The following RNF180 variants were observed in gnomAD, a reference collection of about 807,000 sequenced individuals.
The protein encoded by RNF180 is ring finger protein 180.
Under a neutral mutation model 59.2 loss-of-function variants are expected in RNF180, and 38 were observed. The ratio of observed to expected loss-of-function variants is 0.64; its 90% CI spans 0.50 to 0.84. RNF180 has a LOEUF of 0.84. Ranked by LOEUF, RNF180 falls within the 40% of genes least tolerant of loss-of-function variation. The pLI, the probability that RNF180 is intolerant of heterozygous loss-of-function variation, is 0.00. For missense variants in RNF180, 705 were observed against 700.9 expected (o/e 1.01, Z -0.07); for synonymous variants, 262 against 240.3 (o/e 1.09, Z -0.84).
intron 7 of RNF180, among the ~76,000 whole-genome samples, chr5:64,337,505 CTTTTT>C (rs933245539): frequency 2.6e-5 from 4 of 151,732 alleles, no homozygotes; most frequent in Admixed American, 1.3e-4. Flanking sequence ...TTTTTGCAAT[CTTTTT>C]TATTTTTTAT....
intron 5 of RNF180, among the ~76,000 whole-genome samples, chr5:64,288,982 A>G (rs574503498): frequency 6.6e-5 from 10 of 152,114 alleles, no homozygotes; most frequent in Non-Finnish European, 1.0e-4. Flanking sequence ...TTTCAAGGGG[A>G]ATGCTTCCAG....
chr5:64,268,712 CTGT>C (rs1033559409), intron 5 of RNF180, among the ~76,000 whole-genome samples: 8 of 152,112 alleles, frequency 5.3e-5, no homozygotes, highest in African/African-American at 1.9e-4. Flanking sequence ...AATTTAATCT[CTGT>C]TGTTGCTCAT....
At chr5:64,218,376 A>G (rs952039620) in intron 5 of RNF180, among the ~76,000 whole-genome samples, 13 of 152,224 alleles carry the variant, frequency 8.5e-5, no homozygotes, top group East Asian at 1.9e-4. Context: ...GTTGAAAACA[A>G]TGTCCTTCCT....
At position 64,299,125 on chromosome 5, in the gene RNF180, G is replaced by A. The variant is rs564302855; in HGVS notation, c.1228-26061G>A. On this transcript the variant is annotated intron_variant, in intron 5 of 7. Transcript: ENST00000389100. Reference sequence around the variant, plus strand: ...GTCCTTTGCGCCATGCGAGGACACAGCAAAAAGATAGTTTTCTGTCTATAA... The same window carrying A: ...GTCCTTTGCGCCATGCGAGGACACAACAAAAAGATAGTTTTCTGTCTATAA... Among the ~76,000 whole-genome samples the A allele has an allele frequency of 8.6e-5, 13 of 152,040 alleles. No individual in the cohort carries two copies. The East Asian group carries it at 2.5e-3, about 29-fold the overall frequency.
At chr5:64,346,351 C>CTTTTTTTTTTTTTTTTT (rs1745554217) in intron 7 of RNF180, among the ~76,000 whole-genome samples, 1 of 53,618 alleles carries the variant, frequency 1.9e-5, no homozygotes, top group Non-Finnish European at 4.1e-5. Context: ...TTCTTTTTTT[C>CTTTTTTTTTTTTTTTTT]TTTTCTTCTT....
chr5:64,371,932 C>T lies in RNF180; in HGVS notation c.*2118C>T, dbSNP rs1746670682. On this transcript the variant is annotated 3_prime_UTR_variant, in exon 8 of 8. Transcript: ENST00000389100. ...CACAGTAGCCATTCAAAATAAAATA[C>T]ATGGATGAGCTTTAGAGTAAAACAA... 1 of 151,496 alleles carries T rather than the reference C, an allele frequency of 6.6e-6. No individual in the cohort carries two copies. Among genetic ancestry groups the T allele is most frequent in the Admixed American group, 6.6e-5 (1 of 15,154 alleles). The allele number at this position is 151,496 out of a possible 1,614,324, so 9.4% of individuals were successfully genotyped here. A position where few individuals can be genotyped will look rare whatever the true frequency, so the allele number is the denominator to read the frequency against.
At chr5:64,187,629 T>G (rs1333425129) in intron 1 of RNF180, among the ~76,000 whole-genome samples, 1 of 152,186 alleles carries the variant, frequency 6.6e-6, no homozygotes, top group Admixed American at 6.5e-5. Context: ...AATGACAGTT[T>G]AGAAATCACC....
chr5:64,361,951 G>A (rs1439166393), intron 7 of RNF180, among the ~76,000 whole-genome samples: 1 of 151,272 alleles, frequency 6.6e-6, no homozygotes, highest in African/African-American at 2.4e-5. Flanking sequence ...TATTAGAGTG[G>A]TTTGTGATCC....
intron 5 of RNF180, among the ~76,000 whole-genome samples, chr5:64,295,324 C>T (rs1742825117): frequency 1.3e-5 from 2 of 152,220 alleles, no homozygotes; most frequent in African/African-American, 4.8e-5. Flanking sequence ...TCTCTGTTGC[C>T]ACTGAAGCAT....
chr5:64,347,300 A>G (rs1476268493), intron 7 of RNF180, among the ~76,000 whole-genome samples: 1 of 152,188 alleles, frequency 6.6e-6, no homozygotes, highest in Admixed American at 6.6e-5. Context: ...TTTCCAGTCT[A>G]TAAAAAATTA....
At chr5:64,275,425 A>G (rs962224680) in intron 5 of RNF180, among the ~76,000 whole-genome samples, 10 of 151,084 alleles carry the variant, frequency 6.6e-5, no homozygotes, top group Non-Finnish European at 1.0e-4. Flanking sequence ...GCATCCTTCA[A>G]GTTTGTGTGT....
At chr5:64,330,766 C>T (rs895211723) in intron 7 of RNF180, among the ~76,000 whole-genome samples, 5 of 152,350 alleles carry the variant, frequency 3.3e-5, no homozygotes, top group South Asian at 2.1e-4. Context: ...CAGCTGCAGT[C>T]GGGGAGGCAC....
intron 5 of RNF180, among the ~76,000 whole-genome samples, chr5:64,270,239 G>T (rs556219087): frequency 3.4e-4 from 52 of 152,296 alleles, no homozygotes; most frequent in African/African-American, 7.9e-4. Context: ...GTGAAGAGAA[G>T]TTAAATGGTA....
intron 7 of RNF180, among the ~76,000 whole-genome samples, chr5:64,347,277 T>G (rs1017654919): frequency 1.3e-5 from 2 of 152,192 alleles, no homozygotes; most frequent in Non-Finnish European, 2.9e-5. Flanking sequence ...AGGCATTAAA[T>G]TTATTTGCCT....
intron 4 of RNF180, among the ~76,000 whole-genome samples, chr5:64,216,253 A>G (rs1181216730): frequency 6.6e-6 from 1 of 152,186 alleles, no homozygotes; most frequent in Non-Finnish European, 1.5e-5. Flanking sequence ...AGTTAGAACC[A>G]GAATAATTAC....
intron 7 of RNF180, among the ~76,000 whole-genome samples, chr5:64,360,204 G>C (rs1233806922): frequency 6.6e-6 from 1 of 151,790 alleles, no homozygotes; most frequent in Non-Finnish European, 1.5e-5. Flanking sequence ...GGATGGCATT[G>C]AATCTGTAAA....
At chr5:64,282,751 A>C (rs1202571861) in intron 5 of RNF180, among the ~76,000 whole-genome samples, 1 of 152,094 alleles carries the variant, frequency 6.6e-6, no homozygotes, top group Non-Finnish European at 1.5e-5. Flanking sequence ...CATTTGTTTT[A>C]AATAATTTCT....
Position 64,330,271 on chromosome 5 carries a change from T to C in RNF180, c.1454-10T>C. On this transcript the variant is annotated splice_polypyrimidine_tract_variant and intron_variant, in intron 6 of 7. Transcript: ENST00000389100. ...ATTTCAAAATCCTATTTTCTTTTGC[T>C]TTATTCTAGAATTGAACAATGCCAC... is the stretch of plus-strand genomic sequence containing the variant. 7.0e-7 allele frequency: 1 copy of C among 1,424,080 alleles called. No homozygotes were observed. Among genetic ancestry groups the C allele is most frequent in the Non-Finnish European group, 9.6e-7 (1 of 1,043,970 alleles). 88.2% of individuals were successfully genotyped at this position (1,424,080 alleles called of 1,614,324 possible). A position where few individuals can be genotyped will look rare whatever the true frequency, so the allele number is the denominator to read the frequency against.
At chr5:64,210,931 CATCT>C (rs1752283088) in intron 2 of RNF180, among the ~76,000 whole-genome samples, 1 of 152,086 alleles carries the variant, frequency 6.6e-6, no homozygotes, top group Non-Finnish European at 1.5e-5. Flanking sequence ...TCAAATCCTT[CATCT>C]TCCTGAGGAG....
Sources: allele counts gnomAD v4.1 joint callset (sites outside exome capture counted in the v4.1 genomes callset), GRCh38; gene constraint gnomAD v4.1.1; transcripts MANE v1.5; gene names NCBI Gene and HGNC (gene_info 2026-07-23, HGNC 2026-07-21).